MCM2: variants seen among roughly 807,000 people sequenced by gnomAD.
MCM2 encodes the protein minichromosome maintenance complex component 2, also known as DNA replication licensing factor MCM2.
A neutral mutation model predicts 86.4 loss-of-function variants in MCM2; 49 were observed. The ratio of observed to expected loss-of-function variants is 0.57; its 90% CI spans 0.45 to 0.72. The LOEUF (loss-of-function observed/expected upper bound fraction) is 0.72. MCM2 is among the 30% of genes least tolerant of loss of function. The pLI is 0.00. For synonymous variants in MCM2, 475 were observed against 484.6 expected (o/e 0.98, Z 0.26); for missense variants, 1,038 against 1,259.9 (o/e 0.82, Z 2.67).
In MCM2 at chr3:127,608,817, C is replaced by T. The variant is rs1228887159; in HGVS notation, c.1237-15C>T. ...TGGGTTAGGCTCTGACTTCTTGGCC[C>T]CTCCCTTTCCCCAGGAGCTGACTGG... is the stretch of plus-strand genomic sequence containing the variant. On this transcript the variant is annotated splice_polypyrimidine_tract_variant and intron_variant, in intron 7 of 15. Coordinates refer to ENST00000265056, the MANE Select transcript of MCM2 (RefSeq NM_004526.4). The T allele has an allele frequency of 3.7e-6, 6 of 1,613,016 alleles. No individual in the cohort carries two copies. The highest frequency in any genetic ancestry group is 5.1e-6 in the Non-Finnish European group (6 of 1,179,352).
chr3:127,617,528 T>C lies in MCM2; in HGVS notation c.1900+123T>C. On this transcript the variant is annotated intron_variant, in intron 11 of 15. Transcript: ENST00000265056. This position sits in a 1 kb window ranked among gnomAD's most constrained non-coding sequence, Gnocchi z 4.1. Reference sequence around the variant, plus strand: ...AGGAAGTCATTGTGCAGCAGAGGGTTCCCCTCTTCTGCATATCCTGCCAGA... The same window carrying C: ...AGGAAGTCATTGTGCAGCAGAGGGTCCCCCTCTTCTGCATATCCTGCCAGA... The C allele has an allele frequency of 2.4e-6, 3 of 1,235,670 alleles. No homozygotes were observed. Among genetic ancestry groups the C allele is most frequent in the Non-Finnish European group, 3.3e-6 (3 of 912,132 alleles). The allele number at this position is 1,235,670 out of a possible 1,614,324, so 76.5% of individuals were successfully genotyped here.
rs747287935 is a variant in MCM2, at chr3:127,621,083, G to A, written c.2459G>A (p.Arg820His). The A allele has an allele frequency of 7.4e-6, 12 of 1,614,044 alleles. No individual in the cohort carries two copies. The highest frequency in any genetic ancestry group is 2.2e-5 in the East Asian group (1 of 44,898). ...GCTTTTTTCCTGCAGACTTTTGCCC[G>A]CTACCTTTCATTCCGGCGTGACAAC... ...VMRSMRKTFA[R>H]YLSFRRDNNE... Residue 820 changes from arginine (R) to histidine (H), a missense_variant, in exon 15 of 16, where the codon CGC becomes CAC. By Grantham distance (29) the Arg-to-His change is conservative (BLOSUM62 0). Around this residue, in one of 4 missense-constraint regions of MCM2, gnomAD observed 336 missense variants for 425.7 expected, o/e 0.79. Coordinates refer to ENST00000265056, the MANE Select transcript of MCM2 (RefSeq NM_004526.4).
In MCM2 at chr3:127,599,409, G is replaced by A. The variant is rs142494006; in HGVS notation, c.98G>A (p.Arg33Gln). The A allele has an allele frequency of 2.5e-4, 409 of 1,614,090 alleles. 1 individual carries two copies. The East Asian group carries it at 8.1e-3, about 32-fold the overall frequency. The stretch of plus-strand genomic sequence containing the variant: ...ACCTCCAGCCCTGGCCGAAGCTCCC[G>A]GCGTACTGATGCCCTCACCTCCAGC... ...PLTSSPGRSS[R>Q]RTDALTSSPG... The change falls in exon 2 of 16, where the codon CGG (arginine) becomes CAG (glutamine). Residue 33 changes from arginine to glutamine, a missense_variant. By Grantham distance (43) the Arg-to-Gln change is conservative (BLOSUM62 1). Coordinates refer to ENST00000265056, the MANE Select transcript of MCM2 (RefSeq NM_004526.4).
rs201056689 is a variant in MCM2 at position 127,621,918 on chromosome 3, G to A, written c.*145G>A. The A allele has an allele frequency of 1.7e-6, 1 of 594,312 alleles. No homozygotes were observed. Among genetic ancestry groups the A allele is most frequent in the Non-Finnish European group, 3.0e-6 (1 of 337,382 alleles). The allele number at this position is 594,312 out of a possible 1,614,324, so 36.8% of individuals were successfully genotyped here. A position where few individuals can be genotyped will look rare whatever the true frequency, so the allele number is the denominator to read the frequency against. ...TATAGCAGGATGTCTGGCTGCACCT[G>A]GCATGACTGTTTGTTTCTCCAAGCC... On this transcript the variant is annotated 3_prime_UTR_variant, in exon 16 of 16. Coordinates refer to ENST00000265056, the MANE Select transcript of MCM2 (RefSeq NM_004526.4).
chr3:127,618,648 G>A lies in MCM2; in HGVS notation c.2014-379G>A, dbSNP rs1289179029. Among the ~76,000 whole-genome samples the A allele has an allele frequency of 6.6e-6, 1 of 152,032 alleles. No homozygotes were observed. Among genetic ancestry groups the A allele is most frequent in the African/African-American group, 2.4e-5 (1 of 41,334 alleles). ...CTCCTGGCAGACGCTCTCCCACACTGTCACATGACTTGCATCTCATTGTCG... is the reference window on the plus strand; with the variant it reads ...CTCCTGGCAGACGCTCTCCCACACTATCACATGACTTGCATCTCATTGTCG... On this transcript the variant is annotated intron_variant, in intron 12 of 15. Transcript: ENST00000265056. The surrounding 1 kb of genome is among the most constrained non-coding windows in gnomAD (Gnocchi z 4.0).
intron 8 of MCM2, among the ~76,000 whole-genome samples, chr3:127,612,685 G>C (rs1271069989): frequency 6.6e-6 from 1 of 152,144 alleles, no homozygotes; most frequent in African/African-American, 2.4e-5. Flanking sequence ...CATGCAGGTG[G>C]GTGCTTTTTC....
chr3:127,608,822 C>T lies in MCM2; in HGVS notation c.1237-10C>T. ...TAGGCTCTGACTTCTTGGCCCCTCCCTTTCCCCAGGAGCTGACTGGCATCT... is the reference window on the plus strand; with the variant it reads ...TAGGCTCTGACTTCTTGGCCCCTCCTTTTCCCCAGGAGCTGACTGGCATCT... On this transcript the variant is annotated splice_polypyrimidine_tract_variant and intron_variant, in intron 7 of 15. Coordinates refer to ENST00000265056, the MANE Select transcript of MCM2 (RefSeq NM_004526.4). 6.2e-7 allele frequency: 1 copy of T among 1,613,560 alleles called. No homozygotes were observed. Among genetic ancestry groups the T allele is most frequent in the African/African-American group, 1.3e-5 (1 of 75,052 alleles).
Position 127,609,013 on chromosome 3 carries a change from T to G in MCM2, c.1418T>G (p.Ile473Ser). The G allele has an allele frequency of 6.2e-7, 1 of 1,613,864 alleles. No individual in the cohort carries two copies. The change falls in exon 8 of 16, where the codon ATC becomes AGC. Residue 473 changes from isoleucine (I) to serine (S), a missense_variant. By Grantham distance (142) the Ile-to-Ser change is moderately radical. This residue lies in a region of MCM2 where 399 missense variants were observed against 507.2 expected (regional missense o/e 0.79). Transcript: ENST00000265056. ...ACTAGCCTCTCCAAGGATCAGCAGATCGGAGAGAAGGTAGGTGGAAGGCAG... is the reference window on the plus strand; with the variant it reads ...ACTAGCCTCTCCAAGGATCAGCAGAGCGGAGAGAAGGTAGGTGGAAGGCAG... ...MITSLSKDQQ[I>S]GEKIFASIAP... is the part of the protein sequence containing the mutation.
intron 2 of MCM2, among the ~76,000 whole-genome samples, chr3:127,602,162 C>CTTTTTTT (rs201744525): frequency 2.3e-5 from 3 of 127,938 alleles, no homozygotes; most frequent in East Asian, 2.2e-4. Context: ...TCCAGTTTAA[C>CTTTTTTT]TTTTTTTTTT....
chr3:127,621,079 G>A lies in MCM2; in HGVS notation c.2455G>A (p.Ala819Thr). 1 of 1,614,156 alleles carries A rather than the reference G, an allele frequency of 6.2e-7. No individual in the cohort carries two copies. Among genetic ancestry groups the A allele is most frequent in the Non-Finnish European group, 8.5e-7 (1 of 1,180,012 alleles). Reference sequence around the variant, plus strand: ...TGAGGCTTTTTTCCTGCAGACTTTTGCCCGCTACCTTTCATTCCGGCGTGA... The same window carrying A: ...TGAGGCTTTTTTCCTGCAGACTTTTACCCGCTACCTTTCATTCCGGCGTGA... ...SVMRSMRKTF[A>T]RYLSFRRDNN... Residue 819 changes from alanine to threonine, a missense_variant, in exon 15 of 16, where the codon GCC becomes ACC. Coordinates refer to ENST00000265056, the MANE Select transcript of MCM2 (RefSeq NM_004526.4).
At chr3:127,611,572 C>T (rs2074395364) in intron 8 of MCM2, among the ~76,000 whole-genome samples, 2 of 151,934 alleles carry the variant, frequency 1.3e-5, no homozygotes, top group Non-Finnish European at 2.9e-5. Flanking sequence ...GTCTTGATGC[C>T]TGCTATTTGT....
At chr3:127,611,056 G>A in intron 8 of MCM2, 1 of 432,834 alleles carries the variant, frequency 2.3e-6, no homozygotes, top group South Asian at 1.6e-5. Flanking sequence ...ATAGGAAATA[G>A]ACAAGATCTT....
intron 8 of MCM2, among the ~76,000 whole-genome samples, chr3:127,611,836 C>T (rs2074400206): frequency 1.4e-5 from 2 of 145,522 alleles, no homozygotes; most frequent in African/African-American, 5.3e-5. Flanking sequence ...GTAGCTGGGA[C>T]GACAGGCGCC....
Position 127,617,945 on chromosome 3 carries a change from T to TG in MCM2, c.1901-22dup. Reference sequence around the variant, plus strand: ...GGGAGGATAGGGGAATCCACCCTGATGGAGGTGCTCCCCTGTGTTTCAGGA... The same window carrying TG: ...GGGAGGATAGGGGAATCCACCCTGATGGGAGGTGCTCCCCTGTGTTTCAGGA... On this transcript the variant is annotated intron_variant, in intron 11 of 15. Transcript: ENST00000265056. This position sits in a 1 kb window ranked among gnomAD's most constrained non-coding sequence, Gnocchi z 4.1. 6.3e-7 allele frequency: 1 copy of TG among 1,582,674 alleles called. No homozygotes were observed. Among genetic ancestry groups the TG allele is most frequent in the Non-Finnish European group, 8.7e-7 (1 of 1,154,116 alleles).
intron 4 of MCM2, among the ~76,000 whole-genome samples, chr3:127,605,590 A>G (rs2074341177): frequency 6.6e-6 from 1 of 151,288 alleles, no homozygotes; most frequent in African/African-American, 2.4e-5. Flanking sequence ...ACAGGCATGC[A>G]CCACCATGCC....
Position 127,604,645 on chromosome 3 carries a change from G to T in MCM2, c.274G>T (p.Ala92Ser), listed in dbSNP as rs374471462. 2.5e-6 allele frequency: 4 copies of T among 1,613,200 alleles called. No individual in the cohort carries two copies. Among genetic ancestry groups the T allele is most frequent in the Non-Finnish European group, 3.4e-6 (4 of 1,180,048 alleles). Residue 92 changes from alanine (A) to serine (S), a missense_variant, in exon 3 of 16, where the codon GCC becomes TCC. Around this residue, in one of 4 missense-constraint regions of MCM2, gnomAD observed 300 missense variants for 307.4 expected, o/e 0.98. Transcript: ENST00000265056. ...CATCCCAGAGCTGGACGCCTATGAG[G>T]CCGAGGGACTGGCTCTGGATGATGA... The part of the protein sequence containing the change: ...RAIPELDAYE[A>S]EGLALDDEDV...
chr3:127,604,953 CCACGGAGGACGG>C lies in MCM2; in HGVS notation c.472_483del (p.Thr158_Gly161del). On this transcript the variant is annotated inframe_deletion, in exon 4 of 16. Coordinates refer to ENST00000265056, the MANE Select transcript of MCM2 (RefSeq NM_004526.4). ...CGCAAGCGCCGCCAGGTGGAGCGGG[CCACGGAGGACGG>C]CGAGGAGGACGAGGAGATGATCGAG... The C allele has an allele frequency of 6.2e-7, 1 of 1,606,272 alleles. No individual in the cohort carries two copies. Among genetic ancestry groups the C allele is most frequent in the South Asian group, 1.1e-5 (1 of 90,788 alleles).
chr3:127,621,971 G>T lies in MCM2; in HGVS notation c.*198G>T. 1.8e-6 allele frequency: 1 copy of T among 540,556 alleles called. No individual in the cohort carries two copies. The highest frequency in any genetic ancestry group is 3.3e-6 in the Non-Finnish European group (1 of 302,450). The allele number at this position is 540,556 out of a possible 1,614,324, so 33.5% of individuals were successfully genotyped here. ...CTTTGTGCTTCTCACCTTTGGGTGGGATGCCTTGCCAGTGTGTCTTACTTG... is the reference window on the plus strand; with the variant it reads ...CTTTGTGCTTCTCACCTTTGGGTGGTATGCCTTGCCAGTGTGTCTTACTTG... On this transcript the variant is annotated 3_prime_UTR_variant, in exon 16 of 16. Transcript: ENST00000265056.
At chr3:127,603,057 G>A (rs975146999) in intron 2 of MCM2, among the ~76,000 whole-genome samples, 2 of 152,036 alleles carry the variant, frequency 1.3e-5, no homozygotes, top group Admixed American at 6.5e-5. Flanking sequence ...CTGTTGCCAG[G>A]CTGGAGTGCA....
Sources: allele counts gnomAD v4.1 joint callset (sites outside exome capture counted in the v4.1 genomes callset), GRCh38; gene constraint gnomAD v4.1.1; regional missense constraint gnomAD v4.1.1; non-coding constraint Gnocchi (gnomAD v3.1); transcripts MANE v1.5; gene names NCBI Gene and HGNC (gene_info 2026-07-23, HGNC 2026-07-21).